Variants in GLG1 observed in about 807,000 individuals in gnomAD.
The protein encoded by GLG1 is golgi glycoprotein 1, also known as Golgi apparatus protein 1.
A neutral mutation model predicts 160.5 loss-of-function variants in GLG1; 38 were observed. The observed-to-expected ratio is 0.24, with a 90% confidence interval of 0.18 to 0.31. GLG1 has a LOEUF of 0.31. GLG1 is among the 10% of genes least tolerant of loss of function. The probability of loss-of-function intolerance (pLI) is 1.00; values close to 1 mark genes in which losing one functional copy is unlikely to be tolerated. For synonymous variants in GLG1, 644 were observed against 543.4 expected (o/e 1.19, Z -2.57); for missense variants, 1,373 against 1,505.2 (o/e 0.91, Z 1.45).
intron 1 of GLG1, among the ~76,000 whole-genome samples, chr16:74,535,123 G>A (rs191786293): frequency 6.6e-6 from 1 of 152,160 alleles, no homozygotes; most frequent in East Asian, 1.9e-4. Flanking sequence ...ATAACCCATG[G>A]GAAAGAAAAA....
intron 1 of GLG1, among the ~76,000 whole-genome samples, chr16:74,580,695 C>G (rs1015238486): frequency 6.6e-6 from 1 of 152,002 alleles, no homozygotes; most frequent in African/African-American, 2.4e-5. Context: ...AAGTTGAAGA[C>G]GACCAAATCA....
intron 2 of GLG1, among the ~76,000 whole-genome samples, chr16:74,528,151 G>A (rs2017400781): frequency 6.6e-6 from 1 of 152,006 alleles, no homozygotes; most frequent in African/African-American, 2.4e-5. Flanking sequence ...ACAGGCGTGA[G>A]CCACAAAACC....
At chr16:74,556,478 A>G (rs1008591404) in intron 1 of GLG1, among the ~76,000 whole-genome samples, 1 of 152,064 alleles carries the variant, frequency 6.6e-6, no homozygotes, top group Non-Finnish European at 1.5e-5. Flanking sequence ...TATACACAAA[A>G]TAATCTAATA....
At chr16:74,453,381 G>A (rs2014402377) in intron 25 of GLG1, 47 bp from the exon 26 acceptor site, 1 of 1,292,996 alleles carries the variant, frequency 7.7e-7, no homozygotes, top group African/African-American at 1.5e-5. Flanking sequence ...GCACTGGGCT[G>A]GTGGCAGTGC....
chr16:74,565,291 T>C (rs1490901886), intron 1 of GLG1, among the ~76,000 whole-genome samples: 2 of 152,118 alleles, frequency 1.3e-5, no homozygotes, highest in Non-Finnish European at 1.5e-5. Flanking sequence ...ATTTTATGAC[T>C]ACACCCCAGT....
At chr16:74,534,968 G>A (rs957341429) in intron 1 of GLG1, among the ~76,000 whole-genome samples, 1 of 152,164 alleles carries the variant, frequency 6.6e-6, no homozygotes, top group Non-Finnish European at 1.5e-5. Context: ...TATGAGCAGA[G>A]GATTTAAATG....
At chr16:74,479,469 C>T (rs1222852061) in intron 11 of GLG1, among the ~76,000 whole-genome samples, 1 of 151,194 alleles carries the variant, frequency 6.6e-6, no homozygotes, top group African/African-American at 2.4e-5. Context: ...AAAACAAATT[C>T]CCACGTTTTC....
At chr16:74,591,640 A>C (rs1026591787) in intron 1 of GLG1, among the ~76,000 whole-genome samples, 4 of 152,154 alleles carry the variant, frequency 2.6e-5, no homozygotes, top group Non-Finnish European at 5.9e-5. Context: ...AAAAAAAAGA[A>C]GACTTACAAA....
intron 1 of GLG1, among the ~76,000 whole-genome samples, chr16:74,578,173 T>TTTA (rs1254709892): frequency 6.6e-6 from 1 of 152,190 alleles, no homozygotes; most frequent in Non-Finnish European, 1.5e-5. Flanking sequence ...TGAAAAACTG[T>TTTA]TTATTATGAG....
intron 1 of GLG1, among the ~76,000 whole-genome samples, chr16:74,572,156 G>A (rs903567937): frequency 1.3e-5 from 2 of 152,162 alleles, no homozygotes; most frequent in Non-Finnish European, 2.9e-5. Context: ...GAGGGGAAAG[G>A]GGCTGAAGGT....
chr16:74,602,531 C>G (rs1326818909), intron 1 of GLG1, among the ~76,000 whole-genome samples: 2 of 152,202 alleles, frequency 1.3e-5, no homozygotes, highest in African/African-American at 4.8e-5. Context: ...CGCCTGTAAT[C>G]CCAGCACTTT....
Position 74,540,032 on chromosome 16 carries a change from T to TATTTTATATATATATATATTATATAC in GLG1, c.439-7880_439-7879insGTATATAATATATATATATATAAAAT, listed in dbSNP as rs2017798535. 1.5e-4 allele frequency among the ~76,000 whole-genome samples: 5 copies of TATTTTATATATATATATATTATATAC among 32,622 alleles called. 2 individuals carry two copies. The highest frequency in any genetic ancestry group is 7.9e-4 in the African/African-American group (5 of 6,294). The allele number at this position is 32,622 out of a possible 152,430, so 21.4% of individuals were successfully genotyped here. ...ATATTTTATATATATATATTATATA[T>TATTTTATATATATATATATTATATAC]ATTTTATATATATATTATATATATT... is the stretch of plus-strand genomic sequence containing the variant. On this transcript the variant is annotated intron_variant, in intron 1 of 25. Coordinates refer to ENST00000422840, the MANE Select transcript of GLG1 (RefSeq NM_001145667.2).
At chr16:74,497,352 C>T (rs2016231873) in intron 4 of GLG1, among the ~76,000 whole-genome samples, 1 of 150,450 alleles carries the variant, frequency 6.6e-6, no homozygotes, top group South Asian at 2.1e-4. Flanking sequence ...GGTCATAGTT[C>T]ATGTCAAGAC....
In GLG1 at chr16:74,452,853, T is replaced by A. The variant is rs138260624; in HGVS notation, c.*314A>T. The A allele has an allele frequency of 1.8e-4, 197 of 1,076,172 alleles. 1 individual carries two copies. In the African/African-American group the frequency reaches 2.8e-3, roughly 15 times the overall value. The allele number at this position is 1,076,172 out of a possible 1,614,324, so 66.7% of individuals were successfully genotyped here. A position where few individuals can be genotyped will look rare whatever the true frequency, so the allele number is the denominator to read the frequency against. On this transcript the variant is annotated 3_prime_UTR_variant, in exon 26 of 26. Transcript: ENST00000422840. ...CTTAAAAAAGCCTTTGAGTTGCAGG[T>A]CAGGTGAGTTGGTTCTGGAAGTACC...
At chr16:74,577,976 C>A (rs2143809359) in intron 1 of GLG1, among the ~76,000 whole-genome samples, 1 of 152,012 alleles carries the variant, frequency 6.6e-6, no homozygotes, top group Non-Finnish European at 1.5e-5. Flanking sequence ...AGTTCAAGAC[C>A]AGCCTGGACA....
chr16:74,497,586 C>T (rs961890593), intron 4 of GLG1, among the ~76,000 whole-genome samples: 4 of 151,800 alleles, frequency 2.6e-5, no homozygotes, highest in East Asian at 2.0e-4. Context: ...CACAGGCGCC[C>T]GCCACCACGC....
At chr16:74,539,301 A>G (rs2017769451) in intron 1 of GLG1, among the ~76,000 whole-genome samples, 1 of 151,776 alleles carries the variant, frequency 6.6e-6, no homozygotes, top group Non-Finnish European at 1.5e-5. Flanking sequence ...CAAATATTAT[A>G]TAGTTACTCC....
intron 2 of GLG1, among the ~76,000 whole-genome samples, chr16:74,511,640 T>C (rs2016812281): frequency 6.7e-6 from 1 of 148,732 alleles, no homozygotes; most frequent in Non-Finnish European, 1.5e-5. Context: ...CTTTCTGGTA[T>C]CACAAAAATT....
At chr16:74,561,298 T>C (rs536914574) in intron 1 of GLG1, among the ~76,000 whole-genome samples, 4 of 152,380 alleles carry the variant, frequency 2.6e-5, no homozygotes, top group African/African-American at 4.8e-5. Context: ...GTCAATTATG[T>C]CTTTAACCAT....
Sources: gnomAD v4.1 joint callset for allele counts (sites outside exome capture counted in the v4.1 genomes callset) on GRCh38, gnomAD v4.1.1 for gene constraint, MANE v1.5 for transcripts, NCBI Gene and HGNC (gene_info 2026-07-23, HGNC 2026-07-21) for gene names.